Variants in SH3BGR observed in about 807,000 individuals in gnomAD.
SH3BGR encodes SH3 domain binding glutamate rich protein, also known as SH3 domain-binding glutamic acid-rich protein.
A neutral mutation model predicts 24.5 loss-of-function variants in SH3BGR; 29 were observed. The observed-to-expected ratio is 1.18, with a 90% confidence interval of 0.88 to 1.61. The LOEUF (loss-of-function observed/expected upper bound fraction) is 1.61. Among genes scored for constraint, SH3BGR ranks in the 40% most tolerant of loss-of-function variants. The pLI is 0.00. For missense variants in SH3BGR, 162 were observed against 205.8 expected, an observed-to-expected ratio of 0.79 and a Z score of 1.30; for synonymous variants, 55 against 65.7, an observed-to-expected ratio of 0.84 and a Z score of 0.79.
upstream of SH3BGR, among the ~76,000 whole-genome samples, chr21:39,450,321 C>T (rs1346312449): frequency 2.0e-5 from 3 of 152,232 alleles, no homozygotes; most frequent in African/African-American, 7.2e-5. Context: ...GAGCAGCTAA[C>T]TTTGCATGTT....
chr21:39,460,630 C>T (rs60838770), intron 1 of SH3BGR, among the ~76,000 whole-genome samples: 50,829 of 151,632 alleles, frequency 0.34, 8,908 homozygotes, highest in Non-Finnish European at 0.37. Flanking sequence ...CCACCACGCC[C>T]GGGTAATTTT....
chr21:39,510,646 C>T (rs1056704361), intron 5 of SH3BGR, among the ~76,000 whole-genome samples: 23 of 151,976 alleles, frequency 1.5e-4, no homozygotes, highest in African/African-American at 5.6e-4. Flanking sequence ...TATTCTACAC[C>T]ATGATTTCTC....
chr21:39,448,744 G>C (rs1002114379), upstream of SH3BGR, among the ~76,000 whole-genome samples: 1 of 152,138 alleles, frequency 6.6e-6, no homozygotes, highest in Non-Finnish European at 1.5e-5. Context: ...GGTTAGTTAC[G>C]TATTTTTGCA....
chr21:39,466,571 G>A (rs530295612), intron 2 of SH3BGR, among the ~76,000 whole-genome samples: 39 of 152,306 alleles, frequency 2.6e-4, no homozygotes, highest in Middle Eastern at 3.4e-3. Context: ...GGCTGGAAAG[G>A]CCTCAGGAAA....
At chr21:39,496,271 C>A (rs550547020) in intron 3 of SH3BGR, among the ~76,000 whole-genome samples, 1 of 151,918 alleles carries the variant, frequency 6.6e-6, no homozygotes, top group Non-Finnish European at 1.5e-5. Context: ...GAGGCCGAGG[C>A]GGGTGGATCA....
intron 1 of SH3BGR, among the ~76,000 whole-genome samples, chr21:39,461,543 G>A (rs1306378900): frequency 1.3e-5 from 2 of 152,116 alleles, no homozygotes; most frequent in Non-Finnish European, 2.9e-5. Context: ...TATATTTATC[G>A]CCAGAGAAAA....
At chr21:39,486,924 G>A (rs1054153153) in intron 3 of SH3BGR, among the ~76,000 whole-genome samples, 1 of 151,950 alleles carries the variant, frequency 6.6e-6, no homozygotes, top group African/African-American at 2.4e-5. Context: ...CAGCATGTTG[G>A]CCAGGCTGAT....
chr21:39,467,878 T>C (rs1259543957), intron 2 of SH3BGR, among the ~76,000 whole-genome samples: 1 of 152,166 alleles, frequency 6.6e-6, no homozygotes, highest in Non-Finnish European at 1.5e-5. Flanking sequence ...AATGAAGATA[T>C]TATCCTGAGA....
intron 2 of SH3BGR, among the ~76,000 whole-genome samples, chr21:39,464,709 T>C (rs573810342): frequency 6.6e-6 from 1 of 152,302 alleles, no homozygotes; most frequent in South Asian, 2.1e-4. Context: ...AAGGTGAACA[T>C]GTGGTCCAGT....
chr21:39,453,626 A>G (rs1189912676), intron 1 of SH3BGR, among the ~76,000 whole-genome samples: 3 of 152,156 alleles, frequency 2.0e-5, no homozygotes, highest in Non-Finnish European at 4.4e-5. Context: ...GCTTTGGATG[A>G]CCTGGAGAGG....
At chr21:39,456,394 A>C (rs1287934244) in intron 1 of SH3BGR, among the ~76,000 whole-genome samples, 1 of 152,258 alleles carries the variant, frequency 6.6e-6, no homozygotes, top group Admixed American at 6.5e-5. Context: ...GTGCTTTATA[A>C]AATGGCGTGA....
upstream of SH3BGR, among the ~76,000 whole-genome samples, chr21:39,449,223 C>T (rs2077546453): frequency 6.6e-6 from 1 of 152,216 alleles, no homozygotes; most frequent in South Asian, 2.1e-4. Context: ...AAGGCTGACT[C>T]TGTAAGACAC....
chr21:39,468,708 G>A (rs2077884997), intron 2 of SH3BGR, among the ~76,000 whole-genome samples: 1 of 152,032 alleles, frequency 6.6e-6, no homozygotes, highest in South Asian at 2.1e-4. Flanking sequence ...CAACGTGCTG[G>A]GATTACTGGT....
At chr21:39,461,311 A>G (rs2077752107) in intron 1 of SH3BGR, among the ~76,000 whole-genome samples, 1 of 151,880 alleles carries the variant, frequency 6.6e-6, no homozygotes, top group Non-Finnish European at 1.5e-5. Flanking sequence ...CTAATTTTGT[A>G]TTTTTAGTAG....
At chr21:39,505,723 C>T (rs2078570868) in intron 4 of SH3BGR, among the ~76,000 whole-genome samples, 1 of 152,092 alleles carries the variant, frequency 6.6e-6, no homozygotes, top group African/African-American at 2.4e-5. Flanking sequence ...TGAGATTGCG[C>T]CATTGCACTC....
At chr21:39,466,902 T>G (rs994476955) in intron 2 of SH3BGR, among the ~76,000 whole-genome samples, 4 of 151,360 alleles carry the variant, frequency 2.6e-5, no homozygotes, top group Non-Finnish European at 5.9e-5. Flanking sequence ...CAAAAGGGAT[T>G]TTTTTTTTGC....
intron 2 of SH3BGR, among the ~76,000 whole-genome samples, chr21:39,470,646 G>A (rs1043813000): frequency 1.3e-5 from 2 of 152,074 alleles, no homozygotes; most frequent in African/African-American, 4.8e-5. Flanking sequence ...ATTTCAGTTG[G>A]CCTCTCATCC....
In SH3BGR at chr21:39,463,940, C is replaced by T. The variant is rs187144495; in HGVS notation, c.231+1380C>T. Reference sequence around the variant, plus strand: ...TTCACAGATCTGGAGACTGGAAGTTCGAAATCAAGATGTGGGTGCAGGGTT... The same window carrying T: ...TTCACAGATCTGGAGACTGGAAGTTTGAAATCAAGATGTGGGTGCAGGGTT... On this transcript the variant is annotated intron_variant, in intron 2 of 6. Transcript: ENST00000333634. Among the ~76,000 whole-genome samples, 269 of 152,252 alleles carry T rather than the reference C, an allele frequency of 1.8e-3. 3 individuals are homozygous for T. Among genetic ancestry groups the T allele is most frequent in the Middle Eastern group, 3.4e-3 (1 of 294 alleles).
At chr21:39,509,137 C>A in intron 5 of SH3BGR, 110 bp downstream of exon 5, 1 of 764,706 alleles carries the variant, frequency 1.3e-6, no homozygotes, top group Non-Finnish European at 2.2e-6. Context: ...GAGAGCGATG[C>A]AACCCACACA....
Sources: allele counts gnomAD v4.1 joint callset (sites outside exome capture counted in the v4.1 genomes callset), GRCh38; gene constraint gnomAD v4.1.1; transcripts MANE v1.5; gene names NCBI Gene and HGNC (gene_info 2026-07-23, HGNC 2026-07-21).